PLEKHG1: variants seen among roughly 807,000 people sequenced by gnomAD.
PLEKHG1 encodes the protein pleckstrin homology domain-containing family G member 1.
A neutral mutation model predicts 100.8 loss-of-function variants in PLEKHG1; 44 were observed. The ratio of observed to expected loss-of-function variants is 0.44; its 90% CI spans 0.34 to 0.56. PLEKHG1 has a LOEUF of 0.56. Among genes scored for constraint, PLEKHG1 ranks in the 20% least tolerant of loss-of-function variants. PLEKHG1 has a pLI of 0.01. For missense variants in PLEKHG1, 1,545 were observed against 1,720.9 expected (o/e 0.90, Z 1.81); for synonymous variants, 640 against 662.5 (o/e 0.97, Z 0.52).
intron 1 of PLEKHG1, among the ~76,000 whole-genome samples, chr6:150,616,555 A>G (rs1037032687): frequency 6.6e-6 from 1 of 152,242 alleles, no homozygotes; most frequent in African/African-American, 2.4e-5. Context: ...TAAAATGTTC[A>G]ACTTTTGGTG....
At chr6:150,697,071 T>C (rs1208764461) in intron 3 of PLEKHG1, among the ~76,000 whole-genome samples, 1 of 147,266 alleles carries the variant, frequency 6.8e-6, no homozygotes, top group Non-Finnish European at 1.5e-5. Context: ...CACTCCAGCC[T>C]GGGCAACAGA....
intron 7 of PLEKHG1, 123 bp downstream of exon 8, chr6:150,804,864 C>A: frequency 1.2e-6 from 1 of 859,960 alleles, no homozygotes; most frequent in East Asian, 2.8e-5. Flanking sequence ...GTAGTTCTCC[C>A]TGAAAAAAGT....
At chr6:150,715,257 C>T (rs1471679787) in intron 3 of PLEKHG1, among the ~76,000 whole-genome samples, 1 of 151,978 alleles carries the variant, frequency 6.6e-6, no homozygotes, top group Non-Finnish European at 1.5e-5. Context: ...ATAACAATAG[C>T]AAGGTGGAAT....
At chr6:150,694,648 T>C (rs996978702) in intron 3 of PLEKHG1, among the ~76,000 whole-genome samples, 2 of 148,716 alleles carry the variant, frequency 1.3e-5, no homozygotes, top group Admixed American at 6.8e-5. Context: ...TGCAGTGAGC[T>C]GAGATGGTAC....
rs78141291 is a variant in PLEKHG1, at chr6:150,737,163, G to A, written c.411+3071G>A. ...CTATGAGACCACCTCTGTTTCTCCA[G>A]ATCACAACTTTATCAGAGTGGCTAG... On this transcript the variant is annotated intron_variant, in intron 2 of 15. Transcript: ENST00000358517. Among the ~76,000 whole-genome samples, 1,293 of 152,196 alleles carry A rather than the reference G, an allele frequency of 8.5e-3. 23 individuals are homozygous for A. The highest frequency in any genetic ancestry group is 0.03 in the African/African-American group (1,237 of 41,522).
chr6:150,760,388 T>A (rs1163978412), intron 2 of PLEKHG1, among the ~76,000 whole-genome samples: 1 of 152,126 alleles, frequency 6.6e-6, no homozygotes, highest in African/African-American at 2.4e-5. Flanking sequence ...GTTAACCTGA[T>A]GACAAGGAAG....
At chr6:150,723,914 G>A (rs750128577) in intron 1 of PLEKHG1, among the ~76,000 whole-genome samples, 32 of 152,346 alleles carry the variant, frequency 2.1e-4, no homozygotes, top group Non-Finnish European at 3.4e-4. Flanking sequence ...TCATCTGAAA[G>A]GCTTCTCATC....
intron 1 of PLEKHG1, among the ~76,000 whole-genome samples, chr6:150,628,187 T>C (rs2128560177): frequency 6.6e-6 from 1 of 152,318 alleles, no homozygotes; most frequent in East Asian, 1.9e-4. Context: ...AGGCTGTTGC[T>C]GCAGTAAAAC....
At chr6:150,825,067 C>G (rs997929957) in intron 14 of PLEKHG1, among the ~76,000 whole-genome samples, 2 of 152,124 alleles carry the variant, frequency 1.3e-5, no homozygotes, top group Admixed American at 6.6e-5. Flanking sequence ...AGGAATCTCC[C>G]CATCAAAGAG....
chr6:150,614,338 G>A (rs1402496722), intron 1 of PLEKHG1, among the ~76,000 whole-genome samples: 1 of 152,186 alleles, frequency 6.6e-6, no homozygotes, highest in Non-Finnish European at 1.5e-5. Context: ...CACTCACAGA[G>A]TTGGATGGAC....
chr6:150,671,392 C>A (rs1002306560), intron 3 of PLEKHG1, among the ~76,000 whole-genome samples: 2 of 152,180 alleles, frequency 1.3e-5, no homozygotes, highest in African/African-American at 4.8e-5. Flanking sequence ...GCATCCACAC[C>A]ATATGTTGCT....
At chr6:150,625,567 A>G (rs1309302430) in intron 1 of PLEKHG1, among the ~76,000 whole-genome samples, 1 of 152,020 alleles carries the variant, frequency 6.6e-6, no homozygotes, top group Non-Finnish European at 1.5e-5. Flanking sequence ...ATCTTGGCTC[A>G]CTGCAACCTC....
intron 3 of PLEKHG1, among the ~76,000 whole-genome samples, chr6:150,694,396 G>GA (rs1780464565): frequency 6.6e-6 from 1 of 152,154 alleles, no homozygotes; most frequent in Non-Finnish European, 1.5e-5. Flanking sequence ...AATTTAAAGA[G>GA]AAAATGTTTC....
chr6:150,647,859 T>G (rs1478850561), intron 2 of PLEKHG1, among the ~76,000 whole-genome samples: 1 of 152,164 alleles, frequency 6.6e-6, no homozygotes, highest in African/African-American at 2.4e-5. Context: ...TATTCACCTA[T>G]AAATAAACAT....
intron 3 of PLEKHG1, among the ~76,000 whole-genome samples, chr6:150,669,473 G>T (rs1019816384): frequency 1.3e-5 from 2 of 151,930 alleles, no homozygotes; most frequent in African/African-American, 4.8e-5. Flanking sequence ...AAAATAACGC[G>T]ACGTTCTTTG....
At chr6:150,790,971 C>T (rs1203008272) in intron 4 of PLEKHG1, among the ~76,000 whole-genome samples, 2 of 152,020 alleles carry the variant, frequency 1.3e-5, no homozygotes, top group African/African-American at 2.4e-5. Flanking sequence ...TGCAGTGAGC[C>T]GAGATCGTGC....
chr6:150,781,992 A>C (rs1264129744), intron 3 of PLEKHG1, among the ~76,000 whole-genome samples: 4 of 151,376 alleles, frequency 2.6e-5, no homozygotes, highest in Non-Finnish European at 5.9e-5. Context: ...GTTAGCCAGG[A>C]TGGTCTCGAT....
intron 3 of PLEKHG1, among the ~76,000 whole-genome samples, chr6:150,776,447 A>G (rs1178425): frequency 0.99 from 132,301 of 133,150 alleles, 65,728 homozygotes; most frequent in Non-Finnish European, 1. Flanking sequence ...GCACATGTGC[A>G]GTTGCACATT....
At position 150,721,104 on chromosome 6, in the gene PLEKHG1, G is replaced by A. The variant is rs193040516; in HGVS notation, c.-195G>A. On this transcript the variant is annotated 5_prime_UTR_variant, in exon 1 of 16. Coordinates refer to ENST00000358517, the Ensembl canonical transcript of PLEKHG1. ...GACTCATGCAATATTTCTACGGAAG[G>A]CGCTGCACAGACTAGCAAAGGCTGT... The A allele has an allele frequency of 7.2e-6, 7 of 974,106 alleles. No homozygotes were observed. In the East Asian group the frequency reaches 8.0e-4, roughly 111 times the overall value. 60.3% of individuals were successfully genotyped at this position (974,106 alleles called of 1,614,324 possible). A position where few individuals can be genotyped will look rare whatever the true frequency, so the allele number is the denominator to read the frequency against.
Sources: gnomAD v4.1 joint callset for allele counts (sites outside exome capture counted in the v4.1 genomes callset) on GRCh38, gnomAD v4.1.1 for gene constraint, MANE v1.5 for transcripts, NCBI Gene and HGNC (gene_info 2026-07-23, HGNC 2026-07-21) for gene names.